ENOX1: variants seen among roughly 807,000 people sequenced by gnomAD.
The protein encoded by ENOX1 is candidate growth-related and time keeping constitutive hydroquinone (NADH) oxidase.
A neutral mutation model predicts 82.5 loss-of-function variants in ENOX1; 42 were observed. The observed-to-expected ratio is 0.51, with a 90% CI of 0.40 to 0.66. The LOEUF is 0.66. Among genes scored for constraint, ENOX1 ranks in the 30% least tolerant of loss-of-function variants. The pLI is 0.00. For missense variants in ENOX1, 608 were observed against 811.6 expected (o/e 0.75, Z 3.05); for synonymous variants, 271 against 282.2 (o/e 0.96, Z 0.40).
At chr13:43,627,793 G>A (rs1020594149) in intron 2 of ENOX1, among the ~76,000 whole-genome samples, 2 of 151,852 alleles carry the variant, frequency 1.3e-5, no homozygotes, top group Non-Finnish European at 2.9e-5. Context: ...CATTTCTAGG[G>A]CAGGTTTAAG....
chr13:43,274,934 A>G (rs1438641166), intron 12 of ENOX1, among the ~76,000 whole-genome samples: 1 of 152,240 alleles, frequency 6.6e-6, no homozygotes, highest in Non-Finnish European at 1.5e-5. Flanking sequence ...GAGCCCTAGA[A>G]TAAGTGAGGT....
chr13:43,364,436 C>T (rs2050716360), intron 5 of ENOX1, among the ~76,000 whole-genome samples: 4 of 152,086 alleles, frequency 2.6e-5, no homozygotes, highest in South Asian at 2.1e-4. Context: ...CATCACAGAC[C>T]GTGGCCCTGT....
intron 2 of ENOX1, among the ~76,000 whole-genome samples, chr13:43,537,464 C>T (rs993997033): frequency 1.8e-4 from 27 of 152,146 alleles, no homozygotes; most frequent in African/African-American, 6.3e-4. Context: ...CAAGCTGAAG[C>T]CAAAGAAATG....
intron 12 of ENOX1, among the ~76,000 whole-genome samples, chr13:43,270,359 G>A (rs1016480175): frequency 4.6e-5 from 7 of 152,190 alleles, no homozygotes; most frequent in South Asian, 2.1e-4. Context: ...ACTATTCAGA[G>A]CTTCTTGACA....
intron 2 of ENOX1, among the ~76,000 whole-genome samples, chr13:43,616,166 C>CTATATATAGATATCTATAGATATATAGA (rs1566641724): frequency 1.2e-3 from 11 of 9,224 alleles, no homozygotes; most frequent in Non-Finnish European, 3.4e-3. Context: ...AGATATCTAT[C>CTATATATAGATATCTATAGATATATAGA]TATCTATCTA....
intron 1 of ENOX1, among the ~76,000 whole-genome samples, chr13:43,669,041 T>C (rs71429462): frequency 2.2e-3 from 335 of 152,314 alleles, no homozygotes; most frequent in Non-Finnish European, 3.7e-3. Context: ...CAAGGAGGAA[T>C]GGCAAACATC....
chr13:43,340,997 C>T lies in ENOX1; in HGVS notation c.1036+3541G>A, dbSNP rs538867692. Among the ~76,000 whole-genome samples the T allele has an allele frequency of 2.2e-4, 33 of 152,216 alleles. No individual in the cohort carries two copies. In the South Asian group the frequency reaches 3.7e-3, roughly 17 times the overall value. The stretch of plus-strand genomic sequence containing the variant: ...TCATTTGGATAAGTGTTACAAAGGA[C>T]CTTCATAAAGATTCAGTGGGCTGGG... On this transcript the variant is annotated intron_variant, in intron 9 of 16. Coordinates refer to ENST00000690772, the MANE Select transcript of ENOX1 (RefSeq NM_001347969.2).
chr13:43,265,380 C>G lies in ENOX1; in HGVS notation c.1611+18G>C. On this transcript the variant is annotated intron_variant, in intron 14 of 16. Coordinates refer to ENST00000690772, the MANE Select transcript of ENOX1 (RefSeq NM_001347969.2). Reference sequence around the variant, plus strand: ...AACGTCAAGCAAGAAGAACAAATACCAGGTTTGTGGTACCTACATTTGAAT... The same window carrying G: ...AACGTCAAGCAAGAAGAACAAATACGAGGTTTGTGGTACCTACATTTGAAT... 3 of 1,605,170 alleles carry G rather than the reference C, an allele frequency of 1.9e-6. No individual in the cohort carries two copies. Among genetic ancestry groups the G allele is most frequent in the Non-Finnish European group, 2.6e-6 (3 of 1,174,850 alleles).
intron 2 of ENOX1, among the ~76,000 whole-genome samples, chr13:43,529,317 A>G (rs2078114670): frequency 6.6e-6 from 1 of 152,014 alleles, no homozygotes; most frequent in Admixed American, 6.6e-5. Context: ...CTTGTATCTC[A>G]GTGCTACTGT....
intron 3 of ENOX1, among the ~76,000 whole-genome samples, chr13:43,478,822 C>T (rs1304110153): frequency 4.6e-5 from 7 of 152,122 alleles, no homozygotes; most frequent in Non-Finnish European, 7.4e-5. Flanking sequence ...AACCTGTGTA[C>T]TGGGGAATTC....
intron 2 of ENOX1, among the ~76,000 whole-genome samples, chr13:43,553,995 C>T (rs549867320): frequency 6.6e-6 from 1 of 152,194 alleles, no homozygotes; most frequent in Admixed American, 6.5e-5. Context: ...GTGATCCACA[C>T]ACCTTGGTCT....
At chr13:43,562,106 G>T (rs2079703604) in intron 2 of ENOX1, among the ~76,000 whole-genome samples, 1 of 151,926 alleles carries the variant, frequency 6.6e-6, no homozygotes, top group Admixed American at 6.6e-5. Flanking sequence ...TTCCTCATAG[G>T]AACACCATAT....
At chr13:43,584,721 A>C (rs2080898926) in intron 2 of ENOX1, among the ~76,000 whole-genome samples, 1 of 152,216 alleles carries the variant, frequency 6.6e-6, no homozygotes, top group Non-Finnish European at 1.5e-5. Context: ...TTTTGAGACC[A>C]TGTGAATCAA....
chr13:43,296,123 C>T (rs113322171), intron 12 of ENOX1, among the ~76,000 whole-genome samples: 214 of 152,318 alleles, frequency 1.4e-3, no homozygotes, highest in African/African-American at 5.0e-3. Context: ...CTGTCTACTA[C>T]GTGTCTGTTA....
At chr13:43,524,076 G>A (rs9594967) in intron 2 of ENOX1, among the ~76,000 whole-genome samples, 33,021 of 152,004 alleles carry the variant, frequency 0.22, 3,925 homozygotes, top group Middle Eastern at 0.29. Flanking sequence ...TACAGCCATC[G>A]TACAAGTTTC....
intron 11 of ENOX1, among the ~76,000 whole-genome samples, chr13:43,319,553 C>CT (rs2047693033): frequency 6.6e-6 from 1 of 152,146 alleles, no homozygotes; most frequent in African/African-American, 2.4e-5. Flanking sequence ...TTATTTCCAT[C>CT]TCTTCCCTGC....
intron 3 of ENOX1, among the ~76,000 whole-genome samples, chr13:43,446,300 C>T (rs2056646271): frequency 6.6e-6 from 1 of 152,088 alleles, no homozygotes; most frequent in Non-Finnish European, 1.5e-5. Context: ...GTGACTACAG[C>T]ATGCCAGACA....
At chr13:43,247,866 TATATATATATATATATA>T (rs1566329726) in intron 14 of ENOX1, among the ~76,000 whole-genome samples, 25 of 2,326 alleles carry the variant, frequency 0.011, no homozygotes, top group Admixed American at 0.021. Flanking sequence ...TATATATATA[TATATATATATATATATA>T]TTTTTTTTTT....
At chr13:43,385,081 C>T (rs1425977088) in intron 5 of ENOX1, among the ~76,000 whole-genome samples, 3 of 152,000 alleles carry the variant, frequency 2.0e-5, no homozygotes, top group Non-Finnish European at 2.9e-5. Context: ...GTGGGTGCCC[C>T]GCTTTCTGGA....
Sources: gnomAD v4.1 joint callset for allele counts (sites outside exome capture counted in the v4.1 genomes callset) on GRCh38, gnomAD v4.1.1 for gene constraint, MANE v1.5 for transcripts, NCBI Gene and HGNC (gene_info 2026-07-23, HGNC 2026-07-21) for gene names.